The following CDH23 variants were observed in gnomAD, a reference collection of about 807,000 sequenced individuals.
CDH23 encodes cadherin-23.
In CDH23, 189 loss-of-function variants were observed where a neutral mutation model predicts 317.1. That is an observed-to-expected ratio of 0.60 (90% CI 0.53 to 0.67). CDH23 has a LOEUF of 0.67. CDH23 is among the 30% of genes least tolerant of loss of function. The pLI, the probability that CDH23 is intolerant of heterozygous loss-of-function variation, is 0.00. For missense variants in CDH23, 4,401 were observed against 4,592.4 expected (o/e 0.96, Z 1.20); for synonymous variants, 1,839 against 1,876.8 (o/e 0.98, Z 0.52).
chr10:71,658,599 A>G (rs891192503), intron 14 of CDH23, among the ~76,000 whole-genome samples: 1 of 152,210 alleles, frequency 6.6e-6, no homozygotes, highest in Non-Finnish European at 1.5e-5. Flanking sequence ...TACTGCGTTC[A>G]TCCCAGGCCT....
intron 1 of CDH23, among the ~76,000 whole-genome samples, chr10:71,428,219 C>G (rs11593930): frequency 0.4 from 59,575 of 149,488 alleles, 14,691 homozygotes; most frequent in Non-Finnish European, 0.54. Flanking sequence ...CTTACTGCAA[C>G]CTCCGCCTCC....
chr10:71,724,673 G>T (rs1589375525), intron 29 of CDH23, among the ~76,000 whole-genome samples: 1 of 152,200 alleles, frequency 6.6e-6, no homozygotes, highest in Admixed American at 6.5e-5. Context: ...GGCCCTGACA[G>T]AGAGGGCCCA....
chr10:71,737,873 G>A (rs926576514), intron 34 of CDH23: 7 of 450,628 alleles, frequency 1.6e-5, no homozygotes, highest in African/African-American at 1.0e-4. Context: ...TTGCATGCCC[G>A]GTTTTTATTT....
At chr10:71,517,755 G>C (rs1159705766) in intron 6 of CDH23, among the ~76,000 whole-genome samples, 4 of 152,194 alleles carry the variant, frequency 2.6e-5, no homozygotes, top group African/African-American at 9.6e-5. Flanking sequence ...TCTGGGAGAG[G>C]GAGACCAATA....
At chr10:71,694,437 G>A (rs1171171325) in intron 21 of CDH23, among the ~76,000 whole-genome samples, 178 bp downstream of exon 21, 1 of 152,096 alleles carries the variant, frequency 6.6e-6, no homozygotes, top group African/African-American at 2.4e-5. Context: ...CACAGCTGTG[G>A]GGAAGAAAGG....
intron 41 of CDH23, among the ~76,000 whole-genome samples, chr10:71,779,731 C>A (rs1840905386): frequency 6.6e-6 from 1 of 152,204 alleles, no homozygotes; most frequent in South Asian, 2.1e-4. Context: ...TGTTGCATAC[C>A]CAGAGGAAGG....
At chr10:71,716,216 G>A in intron 28 of CDH23, 5 of 1,551,116 alleles carry the variant, frequency 3.2e-6, no homozygotes, top group Non-Finnish European at 4.4e-6. Flanking sequence ...GCAGGCCAGG[G>A]CGATGAGCAT....
intron 14 of CDH23, among the ~76,000 whole-genome samples, chr10:71,658,761 C>A (rs1863522248): frequency 6.6e-6 from 1 of 152,312 alleles, no homozygotes; most frequent in African/African-American, 2.4e-5. Context: ...TGCCGGGATT[C>A]AGACCCCAGA....
At position 71,628,240 on chromosome 10, in the gene CDH23, G is replaced by A. The variant is rs113674023; in HGVS notation, c.1134+10847G>A. ...GTGGCAACAGTGGGCCACCAGGAAC[G>A]CAGAAGCCTCCTTCCCAGCCCATGC... On this transcript the variant is annotated intron_variant, in intron 11 of 69. Transcript: ENST00000224721. Among the ~76,000 whole-genome samples the A allele has an allele frequency of 5.9e-5, 9 of 152,352 alleles. No individual in the cohort carries two copies. The South Asian group carries it at 1.4e-3, about 25-fold the overall frequency.
At chr10:71,582,230 T>C (rs1349905639) in intron 9 of CDH23, among the ~76,000 whole-genome samples, 2 of 152,230 alleles carry the variant, frequency 1.3e-5, no homozygotes, top group Admixed American at 6.5e-5. Context: ...TAGTGACCTC[T>C]AGCTGTGCCG....
At chr10:71,450,047 T>C (rs770822322) in intron 3 of CDH23, among the ~76,000 whole-genome samples, 1 of 152,236 alleles carries the variant, frequency 6.6e-6, no homozygotes, top group Admixed American at 6.5e-5. Flanking sequence ...AATCCCTGCA[T>C]GTCTTGCTCC....
Position 71,403,463 on chromosome 10 carries a change from TTCCTTCCTTCC to T in CDH23, c.-6+6147_-6+6157del, listed in dbSNP as rs1564558652. Among the ~76,000 whole-genome samples the T allele has an allele frequency of 3.1e-3, 121 of 39,316 alleles. 4 individuals are homozygous for T. The highest frequency in any genetic ancestry group is 4.0e-3 in the Non-Finnish European group (87 of 21,628). 25.8% of individuals were successfully genotyped at this position (39,316 alleles called of 152,430 possible). On this transcript the variant is annotated intron_variant, in intron 1 of 69. Transcript: ENST00000224721. ...TTCCTTCCTTCCTTCCTTTCCTTCC[TTCCTTCCTTCC>T]TTCCTTCCTTCCTTCCTTCCTTCCT...
rs770309474 is a variant in CDH23, at chr10:71,784,356, C to T, written c.5438C>T (p.Thr1813Ile). 3 of 1,613,936 alleles carry T rather than the reference C, an allele frequency of 1.9e-6. No homozygotes were observed. The highest frequency in any genetic ancestry group is 2.2e-5 in the South Asian group (2 of 91,080). Residue 1813 changes from threonine to isoleucine, a missense_variant, in exon 42 of 70, where the codon ACC (threonine) becomes ATC (isoleucine). Coordinates refer to ENST00000224721, the MANE Select transcript of CDH23 (RefSeq NM_022124.6). ...VRKDVELDRE[T>I]IAFYNLTICA... ...AAGGACGTGGAGCTGGACCGGGAGA[C>T]CATCGCCTTCTACAACCTGACCATC... is the stretch of plus-strand genomic sequence containing the variant.
chr10:71,564,143 T>C (rs1226216351), intron 6 of CDH23, among the ~76,000 whole-genome samples: 4 of 152,342 alleles, frequency 2.6e-5, no homozygotes, highest in Non-Finnish European at 2.9e-5. Flanking sequence ...CCCTGTAGCC[T>C]ACCTGGAAAC....
chr10:71,474,153 CTGTTCCCACATGCCACCAGGGCCAGCT>C (rs1851664055), intron 3 of CDH23, among the ~76,000 whole-genome samples: 1 of 152,206 alleles, frequency 6.6e-6, no homozygotes, highest in South Asian at 2.1e-4. Flanking sequence ...CCAGTACAGC[CTGTTCCCACATGCCACCAGGGCCAGCT>C]TGTTCTGCAG....
chr10:71,527,353 A>C (rs574829627), intron 6 of CDH23, among the ~76,000 whole-genome samples: 1 of 152,364 alleles, frequency 6.6e-6, no homozygotes, highest in East Asian at 1.9e-4. Context: ...GCGGGAGGCC[A>C]GCAGGACACA....
intron 30 of CDH23, among the ~76,000 whole-genome samples, chr10:71,726,727 G>T (rs934424040): frequency 6.6e-6 from 1 of 152,194 alleles, no homozygotes; most frequent in African/African-American, 2.4e-5. Context: ...CCTTGTGTGG[G>T]GCCTACTTCA....
At position 71,813,309 on chromosome 10, in the gene CDH23, G is replaced by A. The variant is rs1842005342; in HGVS notation, c.9699G>A (p.Met3233Ile). 6.4e-7 allele frequency: 1 copy of A among 1,551,646 alleles called. No individual in the cohort carries two copies. Among genetic ancestry groups the A allele is most frequent in the African/African-American group, 1.4e-5 (1 of 73,180 alleles). ...TCAAAAAGCTCTTTGCACAGCGGAT[G>A]GTGCAAAAAGCCTCCTCCTGCCACT... is the stretch of plus-strand genomic sequence containing the variant. Reference protein sequence around the residue: ...LRLKKLFAQRMVQKASSCHSS... With the variant: ...LRLKKLFAQRIVQKASSCHSS... Residue 3233 changes from methionine to isoleucine, a missense_variant, in exon 69 of 70, where the codon ATG (methionine) becomes ATA (isoleucine). Around this residue, in one of 3 missense-constraint regions of CDH23, gnomAD observed 1,144 missense variants for 1,138.2 expected, o/e 1.01. Coordinates refer to ENST00000224721, the MANE Select transcript of CDH23 (RefSeq NM_022124.6).
At chr10:71,494,761 C>T (rs1852863281) in intron 3 of CDH23, among the ~76,000 whole-genome samples, 1 of 152,154 alleles carries the variant, frequency 6.6e-6, no homozygotes, top group African/African-American at 2.4e-5. Flanking sequence ...TGACTTGCCT[C>T]ATGCTAGTTT....
Sources: allele counts gnomAD v4.1 joint callset (sites outside exome capture counted in the v4.1 genomes callset), GRCh38; gene constraint gnomAD v4.1.1; regional missense constraint gnomAD v4.1.1; transcripts MANE v1.5; gene names NCBI Gene and HGNC (gene_info 2026-07-23, HGNC 2026-07-21).